Variants in GRM8 observed in about 807,000 individuals in gnomAD.
GRM8 encodes the protein metabotropic glutamate receptor 8.
In GRM8, 47 loss-of-function variants were observed where a neutral mutation model predicts 87.2. The ratio of observed to expected loss-of-function variants is 0.54; its 90% CI spans 0.43 to 0.69. GRM8 has a LOEUF of 0.69. Ranked by LOEUF, GRM8 falls within the 30% of genes least tolerant of loss-of-function variation. The probability of loss-of-function intolerance (pLI) is 0.00; values close to 1 mark genes in which losing one functional copy is unlikely to be tolerated. For synonymous variants in GRM8, 396 were observed against 404.5 expected (o/e 0.98, Z 0.25); for missense variants, 1,019 against 1,139.2 (o/e 0.89, Z 1.52).
At chr7:126,614,881 A>G (rs1250725916) in intron 7 of GRM8, among the ~76,000 whole-genome samples, 1 of 152,226 alleles carries the variant, frequency 6.6e-6, no homozygotes, top group Non-Finnish European at 1.5e-5. Context: ...ATGTGAAAAG[A>G]CCAAATCTAC....
chr7:127,115,866 C>T (rs1028257841), intron 2 of GRM8, among the ~76,000 whole-genome samples: 5 of 152,172 alleles, frequency 3.3e-5, no homozygotes, highest in South Asian at 4.1e-4. Context: ...TCTGTAATCA[C>T]AGCCTTTTGA....
chr7:126,844,450 T>C lies in GRM8; in HGVS notation c.1156+58092A>G, dbSNP rs570168452. ...TATTTTTGCTGAAACTTTTCTTCTTTTCTTTAAATGTCCAAGTCCTTATGT... is the reference window on the plus strand; with the variant it reads ...TATTTTTGCTGAAACTTTTCTTCTTCTCTTTAAATGTCCAAGTCCTTATGT... On this transcript the variant is annotated intron_variant, in intron 6 of 10. Coordinates refer to ENST00000339582, the MANE Select transcript of GRM8 (RefSeq NM_000845.3). Among the ~76,000 whole-genome samples the C allele has an allele frequency of 2.0e-5, 3 of 152,346 alleles. No individual in the cohort carries two copies. The South Asian group carries it at 6.2e-4, about 32-fold the overall frequency.
At chr7:126,978,325 A>G (rs1056737575) in intron 3 of GRM8, among the ~76,000 whole-genome samples, 2 of 152,188 alleles carry the variant, frequency 1.3e-5, no homozygotes, top group Non-Finnish European at 2.9e-5. Context: ...CTGCAATACA[A>G]GCATGGAGAA....
intron 8 of GRM8, among the ~76,000 whole-genome samples, chr7:126,559,596 G>T (rs1161655176): frequency 8.5e-5 from 13 of 152,112 alleles, no homozygotes; most frequent in Non-Finnish European, 1.9e-4. Flanking sequence ...ACATTGTCTT[G>T]TGCAACAGTT....
At chr7:126,486,459 A>C (rs1238591276) in intron 9 of GRM8, among the ~76,000 whole-genome samples, 1 of 150,574 alleles carries the variant, frequency 6.6e-6, no homozygotes. Flanking sequence ...TCCCTGTTCC[A>C]CTCTCCCCTC....
rs572899637 is a variant in GRM8 at position 126,999,621 on chromosome 7, G to A, written c.728-94938C>T. Among the ~76,000 whole-genome samples, 118 of 151,376 alleles carry A rather than the reference G, an allele frequency of 7.8e-4. 1 individual carries two copies. In the Middle Eastern group the frequency reaches 0.01, roughly 13 times the overall value. On this transcript the variant is annotated intron_variant, in intron 3 of 10. Transcript: ENST00000339582. ...TCTCAAAAGAAGACAAATGGCAGAC[G>A]GGCATACGAAAAGGTGCTCAATGTC... is the stretch of plus-strand genomic sequence containing the variant.
chr7:127,015,236 A>G (rs1191256171), intron 3 of GRM8, among the ~76,000 whole-genome samples: 3 of 136,578 alleles, frequency 2.2e-5, no homozygotes, highest in Non-Finnish European at 3.1e-5. Flanking sequence ...GAAGAAGAAG[A>G]AGAAGAAGAA....
intron 7 of GRM8, among the ~76,000 whole-genome samples, chr7:126,647,812 A>T (rs902213898): frequency 6.6e-6 from 1 of 152,138 alleles, no homozygotes; most frequent in African/African-American, 2.4e-5. Flanking sequence ...GCACCGAAAC[A>T]TCTGCTTGTA....
At chr7:127,099,182 T>C (rs2133002098) in intron 3 of GRM8, among the ~76,000 whole-genome samples, 1 of 152,284 alleles carries the variant, frequency 6.6e-6, no homozygotes, top group South Asian at 2.1e-4. Context: ...ATTAACTCCT[T>C]TATTATAATG....
chr7:126,941,903 T>C (rs769268641), intron 3 of GRM8, among the ~76,000 whole-genome samples: 5 of 152,218 alleles, frequency 3.3e-5, no homozygotes, highest in South Asian at 2.1e-4. Context: ...TCCAAATATA[T>C]AGGATAACCA....
chr7:127,124,795 A>G (rs746499781), intron 2 of GRM8, among the ~76,000 whole-genome samples: 15 of 152,302 alleles, frequency 9.8e-5, no homozygotes, highest in Non-Finnish European at 2.1e-4. Flanking sequence ...ACCCTTTAAC[A>G]AAATATTGGG....
At chr7:126,836,285 G>A (rs1375876642) in intron 6 of GRM8, among the ~76,000 whole-genome samples, 1 of 152,100 alleles carries the variant, frequency 6.6e-6, no homozygotes, top group Non-Finnish European at 1.5e-5. Flanking sequence ...AGAAAATGGT[G>A]TATTTAAACA....
At chr7:126,528,175 G>T (rs767038075) in intron 9 of GRM8, among the ~76,000 whole-genome samples, 3 of 152,112 alleles carry the variant, frequency 2.0e-5, no homozygotes, top group Non-Finnish European at 4.4e-5. Context: ...CTGTACTCCA[G>T]CCTGGTGACA....
chr7:126,888,408 A>G (rs1800697562), intron 6 of GRM8, among the ~76,000 whole-genome samples: 1 of 152,124 alleles, frequency 6.6e-6, no homozygotes, highest in South Asian at 2.1e-4. Context: ...AGAGAAACCG[A>G]AATGTTTCTA....
At chr7:127,169,679 T>G (rs1412569398) in intron 2 of GRM8, among the ~76,000 whole-genome samples, 1 of 152,252 alleles carries the variant, frequency 6.6e-6, no homozygotes, top group African/African-American at 2.4e-5. Flanking sequence ...ATTCTCTTAT[T>G]AAGGGCTAAT....
At chr7:126,737,393 C>T (rs898402585) in intron 7 of GRM8, among the ~76,000 whole-genome samples, 1 of 151,966 alleles carries the variant, frequency 6.6e-6, no homozygotes, top group Admixed American at 6.6e-5. Context: ...GGCACCCCCA[C>T]CCACCAAATT....
At chr7:126,623,222 G>A (rs1327590230) in intron 7 of GRM8, among the ~76,000 whole-genome samples, 1 of 152,130 alleles carries the variant, frequency 6.6e-6, no homozygotes, top group East Asian at 1.9e-4. Context: ...AGCTATGTGT[G>A]TGTGGAGGGG....
chr7:126,490,708 C>T (rs893973670), intron 9 of GRM8, among the ~76,000 whole-genome samples: 9 of 152,026 alleles, frequency 5.9e-5, no homozygotes, highest in African/African-American at 9.7e-5. Flanking sequence ...CTCACAGATT[C>T]TTCCTCCCAA....
chr7:126,791,878 G>A (rs751830121), intron 6 of GRM8, among the ~76,000 whole-genome samples: 5 of 152,116 alleles, frequency 3.3e-5, no homozygotes, highest in Non-Finnish European at 7.3e-5. Context: ...ATGGAGAAAT[G>A]GAGACAGATA....
Sources: allele counts gnomAD v4.1 joint callset (sites outside exome capture counted in the v4.1 genomes callset), GRCh38; gene constraint gnomAD v4.1.1; transcripts MANE v1.5; gene names NCBI Gene and HGNC (gene_info 2026-07-23, HGNC 2026-07-21).